The following ME3 variants were observed in gnomAD, a reference collection of about 807,000 sequenced individuals.
The protein encoded by ME3 is malic enzyme 3.
Under a neutral mutation model 68.9 loss-of-function variants are expected in ME3, and 48 were observed. The observed-to-expected ratio is 0.70, with a 90% confidence interval of 0.55 to 0.89. The LOEUF (loss-of-function observed/expected upper bound fraction) is 0.89, where lower values mean the gene tolerates loss of function less well. ME3 is among the 40% of genes least tolerant of loss of function. The pLI, the probability that ME3 is intolerant of heterozygous loss-of-function variation, is 0.00. For missense variants in ME3, 675 were observed against 797.4 expected, an observed-to-expected ratio of 0.85 and a Z score of 1.85; for synonymous variants, 320 against 318.8, an observed-to-expected ratio of 1.00 and a Z score of -0.04.
At chr11:86,660,622 C>G (rs77188594) in intron 2 of ME3, among the ~76,000 whole-genome samples, 1 of 152,126 alleles carries the variant, frequency 6.6e-6, no homozygotes, top group Admixed American at 6.5e-5. Context: ...TGCCTAATAC[C>G]TGGTCACAGG....
intron 7 of ME3, among the ~76,000 whole-genome samples, chr11:86,471,517 C>T (rs1238858333): frequency 1.3e-5 from 2 of 152,028 alleles, no homozygotes; most frequent in East Asian, 1.9e-4. Flanking sequence ...TCTGGGGTCC[C>T]GTGATATTCT....
At chr11:86,474,344 A>G (rs1231941543) in intron 7 of ME3, among the ~76,000 whole-genome samples, 1 of 152,228 alleles carries the variant, frequency 6.6e-6, no homozygotes, top group Non-Finnish European at 1.5e-5. Flanking sequence ...GAAAACACTC[A>G]GGAACAGCTT....
intron 2 of ME3, among the ~76,000 whole-genome samples, chr11:86,657,190 T>C (rs1257458657): frequency 6.6e-6 from 1 of 152,216 alleles, no homozygotes; most frequent in East Asian, 1.9e-4. Flanking sequence ...GCAGCACTAT[T>C]CACAATAGCA....
At chr11:86,480,265 A>G (rs894780277) in intron 7 of ME3, among the ~76,000 whole-genome samples, 1 of 152,234 alleles carries the variant, frequency 6.6e-6, no homozygotes, top group African/African-American at 2.4e-5. Context: ...GAGTTTTCTC[A>G]TCTGTTATGA....
At chr11:86,537,360 T>C (rs1955750039) in intron 4 of ME3, among the ~76,000 whole-genome samples, 1 of 151,594 alleles carries the variant, frequency 6.6e-6, no homozygotes, top group Non-Finnish European at 1.5e-5. Context: ...AATATAATAA[T>C]TGCAAATTAA....
intron 4 of ME3, among the ~76,000 whole-genome samples, chr11:86,542,238 T>C (rs1956093911): frequency 6.6e-6 from 1 of 152,134 alleles, no homozygotes; most frequent in South Asian, 2.1e-4. Flanking sequence ...AAAACCAGAA[T>C]GCCTCTTCTG....
chr11:86,535,471 C>T (rs574840534), intron 4 of ME3, among the ~76,000 whole-genome samples: 1 of 152,272 alleles, frequency 6.6e-6, no homozygotes, highest in South Asian at 2.1e-4. Context: ...GACATAATCT[C>T]ATTTCACTCT....
chr11:86,531,598 C>A (rs1955236656), intron 4 of ME3, among the ~76,000 whole-genome samples: 1 of 152,102 alleles, frequency 6.6e-6, no homozygotes, highest in Admixed American at 6.6e-5. Flanking sequence ...TGGAACCAAC[C>A]CAAATGTCCA....
intron 2 of ME3, among the ~76,000 whole-genome samples, chr11:86,575,637 TC>T (rs892708460): frequency 8.5e-6 from 1 of 117,762 alleles, no homozygotes; most frequent in Non-Finnish European, 1.8e-5. Flanking sequence ...GATGACGTGC[TC>T]CCCCCCAGGT....
chr11:86,608,078 C>T (rs1022511058), intron 2 of ME3, among the ~76,000 whole-genome samples: 13 of 152,080 alleles, frequency 8.5e-5, no homozygotes, highest in Non-Finnish European at 1.6e-4. Flanking sequence ...CAGCATACTC[C>T]TTAATATAAG....
At chr11:86,551,084 G>C (rs543598858) in intron 4 of ME3, among the ~76,000 whole-genome samples, 3 of 152,182 alleles carry the variant, frequency 2.0e-5, no homozygotes, top group African/African-American at 7.2e-5. Context: ...GCGGGAAGTA[G>C]GAAACTCCAA....
At chr11:86,497,850 A>G (rs1314915825) in intron 6 of ME3, 113 bp downstream of exon 6, 16 of 1,240,806 alleles carry the variant, frequency 1.3e-5, no homozygotes, top group Non-Finnish European at 1.8e-5. Flanking sequence ...GGAGGATGCC[A>G]AGAAAGAAAT....
At chr11:86,512,638 T>C (rs945889668) in intron 4 of ME3, among the ~76,000 whole-genome samples, 1 of 152,236 alleles carries the variant, frequency 6.6e-6, no homozygotes, top group Non-Finnish European at 1.5e-5. Context: ...GGTTGTGCTG[T>C]TGCCTGTGGC....
chr11:86,541,072 G>A (rs1014830916), intron 4 of ME3, among the ~76,000 whole-genome samples: 4 of 152,214 alleles, frequency 2.6e-5, no homozygotes, highest in Non-Finnish European at 5.9e-5. Flanking sequence ...GGGAAGCCAT[G>A]AGGGAATGTG....
At chr11:86,671,787 A>T (rs773345086) in exon 2 of ME3, 2 of 1,603,882 alleles carry the variant, frequency 1.2e-6, no homozygotes. Context: ...GTTCCTGGTG[A>T]CATCGTATCC....
In ME3 at chr11:86,608,524, A is replaced by C. The variant is rs540849417; in HGVS notation, c.184-48701T>G. On this transcript the variant is annotated intron_variant, in intron 2 of 14. Coordinates refer to ENST00000543262, the Ensembl canonical transcript of ME3. Reference sequence around the variant, plus strand: ...GTGTAATTTAAATGCCGTTTTGCTCAGTCAGAGCAATGGACTCAAATTCCC... The same window carrying C: ...GTGTAATTTAAATGCCGTTTTGCTCCGTCAGAGCAATGGACTCAAATTCCC... Among the ~76,000 whole-genome samples the C allele has an allele frequency of 2.9e-3, 438 of 152,316 alleles. 2 individuals carry two copies. The highest frequency in any genetic ancestry group is 0.01 in the African/African-American group (427 of 41,568).
intron 5 of ME3, among the ~76,000 whole-genome samples, chr11:86,506,574 G>C (rs1318654487): frequency 6.6e-6 from 1 of 152,162 alleles, no homozygotes; most frequent in African/African-American, 2.4e-5. Flanking sequence ...TTGTTAAACA[G>C]AGGTACCTTT....
chr11:86,563,679 A>G (rs1957345326), intron 2 of ME3, among the ~76,000 whole-genome samples: 1 of 152,074 alleles, frequency 6.6e-6, no homozygotes, highest in East Asian at 1.9e-4. Context: ...CTAGCCAGTT[A>G]TCCCAGCACC....
chr11:86,519,045 A>G (rs143186078), intron 4 of ME3, among the ~76,000 whole-genome samples: 4 of 152,288 alleles, frequency 2.6e-5, no homozygotes, highest in Non-Finnish European at 1.5e-5. Context: ...GAGAAAATAA[A>G]TTTCTGTTGT....
Sources: allele counts gnomAD v4.1 joint callset (sites outside exome capture counted in the v4.1 genomes callset), GRCh38; gene constraint gnomAD v4.1.1; transcripts MANE v1.5; gene names NCBI Gene and HGNC (gene_info 2026-07-23, HGNC 2026-07-21).